Variants in CCDC93 observed in about 807,000 individuals in gnomAD.
CCDC93 encodes the protein CCC complex scaffolding subunit CCDC93.
A neutral mutation model predicts 108.2 loss-of-function variants in CCDC93; 61 were observed. That is an observed-to-expected ratio of 0.56 (90% CI 0.46 to 0.70). The LOEUF (loss-of-function observed/expected upper bound fraction) is 0.70. Among genes scored for constraint, CCDC93 ranks in the 30% least tolerant of loss-of-function variants. The pLI, the probability that CCDC93 is intolerant of heterozygous loss-of-function variation, is 0.00. For missense variants in CCDC93, 685 were observed against 764.2 expected (o/e 0.90, Z 1.22); for synonymous variants, 276 against 260.4 (o/e 1.06, Z -0.58).
intron 14 of CCDC93, 134 bp from the exon 15 acceptor site, chr2:117,948,320 A>T: frequency 3.2e-6 from 2 of 622,012 alleles, no homozygotes; most frequent in African/African-American, 1.8e-5. Context: ...TGTCTCACAG[A>T]TTCTGCACAA....
At chr2:117,936,448 G>A (rs1678528269) in intron 21 of CCDC93, 2 of 430,978 alleles carry the variant, frequency 4.6e-6, no homozygotes, top group South Asian at 5.9e-5. Flanking sequence ...TAGTAGGTGG[G>A]TACAGTCAAA....
At chr2:117,938,744 C>T (rs142732498) in intron 20 of CCDC93, among the ~76,000 whole-genome samples, 3 of 152,280 alleles carry the variant, frequency 2.0e-5, no homozygotes, top group Admixed American at 6.5e-5. Context: ...AAATCTCAAA[C>T]TAGTCTCACC....
intron 19 of CCDC93, among the ~76,000 whole-genome samples, chr2:117,939,567 T>C (rs753972283): frequency 1.8e-4 from 28 of 152,226 alleles, no homozygotes; most frequent in African/African-American, 6.3e-4. Context: ...GCTAAAAGCT[T>C]TGAAACAAGC....
chr2:117,961,384 C>T (rs1679386031), intron 11 of CCDC93, among the ~76,000 whole-genome samples: 1 of 152,136 alleles, frequency 6.6e-6, no homozygotes, highest in Non-Finnish European at 1.5e-5. Context: ...TGTAAATGTA[C>T]ATTTACTGGC....
chr2:118,011,084 A>G (rs374314896), intron 1 of CCDC93, among the ~76,000 whole-genome samples: 1 of 152,216 alleles, frequency 6.6e-6, no homozygotes, highest in African/African-American at 2.4e-5. Context: ...AATCCAAACA[A>G]CATTAAGCTC....
chr2:117,977,789 C>T (rs1332003110), intron 8 of CCDC93, among the ~76,000 whole-genome samples: 1 of 152,152 alleles, frequency 6.6e-6, no homozygotes, highest in Non-Finnish European at 1.5e-5. Context: ...CATTTCCAGC[C>T]CCAGGAGGAG....
At chr2:117,956,973 C>G (rs1326030493) in intron 12 of CCDC93, among the ~76,000 whole-genome samples, 2 of 151,980 alleles carry the variant, frequency 1.3e-5, no homozygotes, top group African/African-American at 4.8e-5. Context: ...TCACCGCAAC[C>G]TCCGCCTCCT....
chr2:117,971,722 C>T (rs1271486863), intron 11 of CCDC93, among the ~76,000 whole-genome samples: 1 of 152,170 alleles, frequency 6.6e-6, no homozygotes, highest in African/African-American at 2.4e-5. Flanking sequence ...TGTTTTTAAT[C>T]ACTGCACTCA....
intron 11 of CCDC93, among the ~76,000 whole-genome samples, chr2:117,966,659 T>C (rs1005728796): frequency 2.6e-5 from 4 of 152,258 alleles, no homozygotes; most frequent in African/African-American, 9.6e-5. Flanking sequence ...TGTGGCTGTC[T>C]GCTTTTTCTA....
chr2:117,931,443 A>C, intron 22 of CCDC93: 5 of 301,872 alleles, frequency 1.7e-5, no homozygotes, highest in Non-Finnish European at 3.1e-5. Context: ...TTTGCCCCCC[A>C]TCCCCCACCC....
rs142080731 is a variant in CCDC93 at position 117,980,781 on chromosome 2, C to T, written c.621-2751G>A. ...TGTATTCACTATGTTGTGCAACCATCGCTATTATCGAAATCAAGAAAAGCT... is the reference window on the plus strand; with the variant it reads ...TGTATTCACTATGTTGTGCAACCATTGCTATTATCGAAATCAAGAAAAGCT... On this transcript the variant is annotated intron_variant, in intron 7 of 23. Coordinates refer to ENST00000376300, the MANE Select transcript of CCDC93 (RefSeq NM_019044.5). Among the ~76,000 whole-genome samples, 10 of 152,320 alleles carry T rather than the reference C, an allele frequency of 6.6e-5. No individual in the cohort carries two copies. The East Asian group carries it at 1.5e-3, about 23-fold the overall frequency.
chr2:117,958,296 G>C, intron 12 of CCDC93, 69 bp downstream of exon 12: 1 of 1,015,926 alleles, frequency 9.8e-7, no homozygotes, highest in African/African-American at 1.6e-5. Context: ...GCCAACCCCC[G>C]TTCTGGAATC....
chr2:117,939,809 T>C (rs1678642112), intron 19 of CCDC93, among the ~76,000 whole-genome samples: 1 of 152,080 alleles, frequency 6.6e-6, no homozygotes, highest in African/African-American at 2.4e-5. Context: ...GGCAAAATCT[T>C]AGGTGGATTT....
chr2:117,960,513 C>G (rs1679354282), intron 11 of CCDC93, among the ~76,000 whole-genome samples: 1 of 152,182 alleles, frequency 6.6e-6, no homozygotes, highest in African/African-American at 2.4e-5. Context: ...TGGCCAAAGT[C>G]CTAAGAAAAT....
chr2:117,950,275 T>A (rs373427813), intron 13 of CCDC93: 1 of 985,266 alleles, frequency 1.0e-6, no homozygotes, highest in Non-Finnish European at 1.2e-6. Context: ...GATGTATCAA[T>A]TCAACAAGTC....
At position 117,995,446 on chromosome 2, in the gene CCDC93, T is replaced by C. The variant is rs1680615039; in HGVS notation, c.519A>G (p.Ser173=). 6.2e-7 allele frequency: 1 copy of C among 1,611,208 alleles called. No individual in the cohort carries two copies. Among genetic ancestry groups the C allele is most frequent in the East Asian group, 2.2e-5 (1 of 44,882 alleles). The part of the protein sequence containing the change: ...EKAIKTVVDL[S]EVYKPRRKYK... ...AGAAGAATACGGCCAGGGGACTTAC[T>C]GAGAGGTCCACAACTGTCTTGATGG... The change falls in exon 6 of 24, where the codon TCA becomes TCG. Residue 173 remains serine, a splice_region_variant and synonymous_variant. Coordinates refer to ENST00000376300, the MANE Select transcript of CCDC93 (RefSeq NM_019044.5).
chr2:118,008,482 G>T, intron 2 of CCDC93, 63 bp downstream of exon 2: 1 of 911,456 alleles, frequency 1.1e-6, no homozygotes, highest in South Asian at 1.5e-5. Context: ...TCCTTTCTTT[G>T]CCATGATTAA....
At chr2:117,980,060 A>T (rs927852536) in intron 7 of CCDC93, among the ~76,000 whole-genome samples, 2 of 152,202 alleles carry the variant, frequency 1.3e-5, no homozygotes, top group African/African-American at 4.8e-5. Context: ...CTAATTTGAC[A>T]GAAGCAGCGT....
At chr2:118,000,573 A>G (rs1358217351) in intron 4 of CCDC93, among the ~76,000 whole-genome samples, 1 of 152,214 alleles carries the variant, frequency 6.6e-6, no homozygotes, top group African/African-American at 2.4e-5. Flanking sequence ...TTTACCAAAA[A>G]GGCAATGAAA....
Sources: gnomAD v4.1 joint callset for allele counts (sites outside exome capture counted in the v4.1 genomes callset) on GRCh38, gnomAD v4.1.1 for gene constraint, MANE v1.5 for transcripts, NCBI Gene and HGNC (gene_info 2026-07-23, HGNC 2026-07-21) for gene names.